OTUD7A: variants seen among roughly 807,000 people sequenced by gnomAD.
OTUD7A encodes the protein OTU domain-containing protein 7A.
A neutral mutation model predicts 65.7 loss-of-function variants in OTUD7A; 12 were observed. That is an observed-to-expected ratio of 0.18 (90% CI 0.12 to 0.30). The LOEUF is 0.30. Among genes scored for constraint, OTUD7A ranks in the 10% least tolerant of loss-of-function variants. OTUD7A has a pLI of 1.00. For missense variants in OTUD7A, 1,148 were observed against 1,304.8 expected (o/e 0.88, Z 1.85); for synonymous variants, 641 against 586.3 (o/e 1.09, Z -1.35).
chr15:31,739,662 A>G (rs939239884), intron 1 of OTUD7A, among the ~76,000 whole-genome samples: 1 of 152,000 alleles, frequency 6.6e-6, no homozygotes, highest in Non-Finnish European at 1.5e-5. Flanking sequence ...GCACCATCTC[A>G]GCTTACTGCA....
rs1566877605 is a variant in OTUD7A, at chr15:31,484,017, GGCGGCGGCGGCAGCGGCGGCCGCAGTA to G, written c.2052_2078del (p.Thr685_Ala693del). 5 of 1,209,776 alleles carry G rather than the reference GGCGGCGGCGGCAGCGGCGGCCGCAGTA, an allele frequency of 4.1e-6. No homozygotes were observed. The highest frequency in any genetic ancestry group is 4.0e-5 in the South Asian group (1 of 25,120). 74.9% of individuals were successfully genotyped at this position (1,209,776 alleles called of 1,614,324 possible). A position where few individuals can be genotyped will look rare whatever the true frequency, so the allele number is the denominator to read the frequency against. ...GCGGCCGCTTGGCCGTGGCGGCGGC[GGCGGCGGCGGCAGCGGCGGCCGCAGTA>G]GCGGCGTCGCGGCGCCGCTGCTCCT... On this transcript the variant is annotated inframe_deletion, in exon 13 of 13. Coordinates refer to ENST00000307050, the MANE Select transcript of OTUD7A (RefSeq NM_001382637.1). This position sits in a 1 kb window ranked among gnomAD's most constrained non-coding sequence, Gnocchi z 4.5.
At position 31,483,858 on chromosome 15, in the gene OTUD7A, C is replaced by T. The variant is rs2041181883; in HGVS notation, c.2238G>A (p.Ala746=). The change falls in exon 13 of 13, where the codon GCG becomes GCA. Residue 746 remains alanine, a synonymous_variant. Coordinates refer to ENST00000307050, the MANE Select transcript of OTUD7A (RefSeq NM_001382637.1). ...CTCCCCCCGGGGAGGCCGTGCCGCC[C>T]GCCGCCGCCCGCGCCGCACGCCCTG... ...PAAGRAARAA[A]GGTASPGGGA... 19 of 985,614 alleles carry T rather than the reference C, an allele frequency of 1.9e-5. No homozygotes were observed. The highest frequency in any genetic ancestry group is 5.1e-4 in the Middle Eastern group (1 of 1,950). 61.1% of individuals were successfully genotyped at this position (985,614 alleles called of 1,614,324 possible). A position where few individuals can be genotyped will look rare whatever the true frequency, so the allele number is the denominator to read the frequency against.
At chr15:31,510,152 T>C (rs1309196354) in intron 8 of OTUD7A, among the ~76,000 whole-genome samples, 2 of 151,914 alleles carry the variant, frequency 1.3e-5, no homozygotes, top group Non-Finnish European at 2.9e-5. Flanking sequence ...GGGATTTGCA[T>C]GGCTGTAGTC....
At chr15:31,640,900 G>A (rs1315568143) in intron 3 of OTUD7A, among the ~76,000 whole-genome samples, 3 of 152,056 alleles carry the variant, frequency 2.0e-5, no homozygotes, top group African/African-American at 7.2e-5. Flanking sequence ...AGTACACTAT[G>A]CAATATTATT....
chr15:31,720,227 T>C (rs1471453525), intron 1 of OTUD7A, among the ~76,000 whole-genome samples: 1 of 151,094 alleles, frequency 6.6e-6, no homozygotes, highest in Non-Finnish European at 1.5e-5. Context: ...AGTGTTTATG[T>C]AGCTTCCATC....
At chr15:31,646,038 T>C (rs1891651170) in intron 3 of OTUD7A, among the ~76,000 whole-genome samples, 1 of 152,242 alleles carries the variant, frequency 6.6e-6, no homozygotes, top group Admixed American at 6.5e-5. Context: ...ATAGTTTAAA[T>C]TGATTTCAGT....
At chr15:31,845,284 T>A (rs1333134976) in intron 1 of OTUD7A, among the ~76,000 whole-genome samples, 1 of 152,212 alleles carries the variant, frequency 6.6e-6, no homozygotes, top group Non-Finnish European at 1.5e-5. Flanking sequence ...CCATGTCCTG[T>A]ACCTCTCCAT....
At chr15:31,602,372 G>A (rs1890103511) in intron 3 of OTUD7A, among the ~76,000 whole-genome samples, 1 of 152,152 alleles carries the variant, frequency 6.6e-6, no homozygotes, top group South Asian at 2.1e-4. Flanking sequence ...TATCTCAATG[G>A]ATGCAGAAAA....
At chr15:31,527,795 C>A (rs892828625) in intron 6 of OTUD7A, among the ~76,000 whole-genome samples, 8 of 152,210 alleles carry the variant, frequency 5.3e-5, no homozygotes, top group African/African-American at 1.7e-4. Flanking sequence ...AGAAGCAGAG[C>A]GTCAGTGACA....
At chr15:31,810,506 G>A (rs1428242556) in intron 1 of OTUD7A, among the ~76,000 whole-genome samples, 1 of 152,194 alleles carries the variant, frequency 6.6e-6, no homozygotes, top group Non-Finnish European at 1.5e-5. Context: ...GTAGAAAAGA[G>A]GCCATGTGTG....
chr15:31,569,915 CG>C, intron 4 of OTUD7A, 102 bp downstream of exon 4: 1 of 1,256,606 alleles, frequency 8.0e-7, no homozygotes, highest in East Asian at 2.4e-5. Flanking sequence ...TGTCTGCATC[CG>C]GGAGGTGATG....
At chr15:31,774,099 G>A (rs2140916932) in intron 1 of OTUD7A, among the ~76,000 whole-genome samples, 1 of 152,352 alleles carries the variant, frequency 6.6e-6, no homozygotes, top group South Asian at 2.1e-4. Flanking sequence ...AATAGTCTGA[G>A]AGGCTTCTTT....
At chr15:31,818,060 C>A (rs1595790502) in intron 1 of OTUD7A, among the ~76,000 whole-genome samples, 1 of 152,312 alleles carries the variant, frequency 6.6e-6, no homozygotes, top group Admixed American at 6.5e-5. Context: ...TATCTCCCCC[C>A]AACTGAGGAA....
intron 3 of OTUD7A, among the ~76,000 whole-genome samples, chr15:31,586,445 G>T (rs7176844): frequency 0.33 from 49,897 of 152,128 alleles, 10,726 homozygotes; most frequent in African/African-American, 0.61. Context: ...GGGTACCACA[G>T]GCATTCACTC....
chr15:31,729,709 T>C (rs1157350382), intron 1 of OTUD7A, among the ~76,000 whole-genome samples: 2 of 152,186 alleles, frequency 1.3e-5, no homozygotes, highest in East Asian at 1.9e-4. Flanking sequence ...CTGAGGTCAA[T>C]GCACCTTTCC....
intron 3 of OTUD7A, among the ~76,000 whole-genome samples, chr15:31,623,078 G>A (rs549988986): frequency 1.7e-4 from 26 of 152,308 alleles, no homozygotes; most frequent in Middle Eastern, 3.4e-3. Context: ...GCAGAACAGC[G>A]AATATTGCTG....
chr15:31,658,473 C>T lies in OTUD7A; in HGVS notation c.-99-1396G>A, dbSNP rs566179418. The stretch of plus-strand genomic sequence containing the variant: ...ATCCGAGGTTGCAGTGTTCATTGAT[C>T]ACTTAAGCAACCTTCATGGAGCTGC... On this transcript the variant is annotated intron_variant, in intron 1 of 12. Transcript: ENST00000307050. Among the ~76,000 whole-genome samples, 66 of 152,224 alleles carry T rather than the reference C, an allele frequency of 4.3e-4. No individual in the cohort carries two copies. The East Asian group carries it at 4.5e-3, about 10-fold the overall frequency.
chr15:31,587,568 G>T (rs961719213), intron 3 of OTUD7A, among the ~76,000 whole-genome samples: 2 of 151,920 alleles, frequency 1.3e-5, no homozygotes, highest in Non-Finnish European at 2.9e-5. Flanking sequence ...TTGAACCCAG[G>T]GGGAGAGGTT....
chr15:31,813,191 CG>C (rs1369339614), intron 1 of OTUD7A, among the ~76,000 whole-genome samples: 6 of 152,212 alleles, frequency 3.9e-5, no homozygotes, highest in Admixed American at 2.6e-4. Flanking sequence ...AGGCCAAGCA[CG>C]TGCAGGTATA....
Sources: allele counts gnomAD v4.1 joint callset (sites outside exome capture counted in the v4.1 genomes callset), GRCh38; gene constraint gnomAD v4.1.1; non-coding constraint Gnocchi (gnomAD v3.1); transcripts MANE v1.5; gene names NCBI Gene and HGNC (gene_info 2026-07-23, HGNC 2026-07-21).